TELO2: variants seen among roughly 807,000 people sequenced by gnomAD.
TELO2 encodes the protein telomere length regulation protein TEL2 homolog.
Under a neutral mutation model 91.0 loss-of-function variants are expected in TELO2, and 71 were observed. The ratio of observed to expected loss-of-function variants is 0.78; its 90% CI spans 0.64 to 0.95. TELO2 has a LOEUF of 0.95. TELO2 is among the 40% of genes least tolerant of loss of function. The pLI is 0.00. For missense variants in TELO2, 1,183 were observed against 1,141.3 expected, an observed-to-expected ratio of 1.04 and a Z score of -0.53; for synonymous variants, 584 against 518.9, an observed-to-expected ratio of 1.13 and a Z score of -1.71.
intron 20 of TELO2, among the ~76,000 whole-genome samples, chr16:1,508,946 G>T (rs1446259627): frequency 6.6e-6 from 1 of 152,166 alleles, no homozygotes; most frequent in Non-Finnish European, 1.5e-5. Flanking sequence ...CAAGGGGGGT[G>T]AGGCCCCCCA....
At chr16:1,496,960 GCAGC>G (rs2039514016) in intron 3 of TELO2, 72 bp from the exon 4 acceptor site, 1 of 1,458,494 alleles carries the variant, frequency 6.9e-7, no homozygotes, top group Non-Finnish European at 9.5e-7. Context: ...CTGACCGAGA[GCAGC>G]TCTCCCCACA....
intron 12 of TELO2, 59 bp from the exon 13 acceptor site, chr16:1,502,254 C>G: frequency 2.6e-6 from 4 of 1,564,780 alleles, no homozygotes; most frequent in Non-Finnish European, 3.5e-6. Context: ...GTGCTGCTGG[C>G]TCTCATGGGT....
In TELO2 at chr16:1,501,663, C is replaced by T. The variant is rs2039685317; in HGVS notation, c.1362C>T (p.Gly454=). 1.9e-6 allele frequency: 3 copies of T among 1,606,654 alleles called. No homozygotes were observed. The highest frequency in any genetic ancestry group is 2.5e-6 in the Non-Finnish European group (3 of 1,176,832). Residue 454 remains glycine (G), a splice_region_variant and synonymous_variant, in exon 11 of 21, where the codon GGC becomes GGT. Coordinates refer to ENST00000262319, the MANE Select transcript of TELO2 (RefSeq NM_016111.4). The part of the protein sequence containing the change: ...QPAGDGASEA[G]TSLVPATAEP... ...ATTTTTGTTCCTTGTTTCCTTAAAG[C>T]ACGTCCCTCGTTCCAGCCACGGCAG...
chr16:1,499,877 G>T (rs1197579538), intron 6 of TELO2, among the ~76,000 whole-genome samples: 1 of 152,374 alleles, frequency 6.6e-6, no homozygotes, highest in African/African-American at 2.4e-5. Flanking sequence ...ATCACGTTCA[G>T]TTCAAAGGAA....
chr16:1,504,127 TAAAAAAAAAAAAAA>T (rs34788034), intron 15 of TELO2, among the ~76,000 whole-genome samples: 12 of 104,878 alleles, frequency 1.1e-4, no homozygotes, highest in Admixed American at 3.1e-4. Flanking sequence ...TCTGTCTCTT[TAAAAAAAAAAAAAA>T]AAAAAAAAAG....
intron 20 of TELO2, among the ~76,000 whole-genome samples, chr16:1,508,411 G>A (rs964595159): frequency 1.3e-5 from 2 of 152,234 alleles, no homozygotes; most frequent in African/African-American, 2.4e-5. Context: ...GATTACAGGC[G>A]TGAGCCACCG....
chr16:1,509,831 C>T lies in TELO2; in HGVS notation c.2409C>T (p.Asp803=), dbSNP rs139725977. The change falls in exon 21 of 21, where the codon GAC becomes GAT. Residue 803 remains aspartate (D), a splice_region_variant and synonymous_variant. Coordinates refer to ENST00000262319, the MANE Select transcript of TELO2 (RefSeq NM_016111.4). ...TTGCTTGTCACTCTCGTCTGGCAGACGTGGCTGAGAAAGACCCGGACGAGG... is the reference window on the plus strand; with the variant it reads ...TTGCTTGTCACTCTCGTCTGGCAGATGTGGCTGAGAAAGACCCGGACGAGG... ...ELLEARSWLA[D]VAEKDPDEDC... 28 of 1,610,934 alleles carry T rather than the reference C, an allele frequency of 1.7e-5. No homozygotes were observed. Among genetic ancestry groups the T allele is most frequent in the Middle Eastern group, 1.7e-4 (1 of 6,058 alleles).
rs924050122 is a variant in TELO2, at chr16:1,507,613, G to C, written c.2304G>C (p.Gln768His). The stretch of plus-strand genomic sequence containing the variant: ...TTCTTGCCGGCAGCTACGTGCGCCA[G>C]GGGCTGTTGTCGGCCGTCTCCTCCG... ...LRFHIDAYVR[Q>H]GLLSAVSSVL... is the part of the protein sequence containing the mutation. Residue 768 changes from glutamine to histidine, a missense_variant, in exon 20 of 21, where the codon CAG becomes CAC. Physicochemically the swap from Gln to His is conservative, Grantham distance 24. Coordinates refer to ENST00000262319, the MANE Select transcript of TELO2 (RefSeq NM_016111.4). 58 of 1,592,840 alleles carry C rather than the reference G, an allele frequency of 3.6e-5. No homozygotes were observed. Among genetic ancestry groups the C allele is most frequent in the Non-Finnish European group, 4.6e-5 (54 of 1,176,920 alleles).
Position 1,506,274 on chromosome 16 carries a change from A to G in TELO2, c.2071A>G (p.Arg691Gly). ...GCAGGGCCCGGCAGGCAGCCCCAGC[A>G]GATTCAACTCCGTGGCCGGCCACTT... The part of the protein sequence containing the change: ...PRQGPAGSPS[R>G]FNSVAGHFFF... The change falls in exon 17 of 21, where the codon AGA (arginine) becomes GGA (glycine). Residue 691 changes from arginine (R) to glycine (G), a missense_variant. Transcript: ENST00000262319. 6.2e-7 allele frequency: 1 copy of G among 1,613,890 alleles called. No individual in the cohort carries two copies. Among genetic ancestry groups the G allele is most frequent in the South Asian group, 1.1e-5 (1 of 91,090 alleles).
Position 1,502,320 on chromosome 16 carries a change from C to G in TELO2, c.1569C>G (p.Thr523=). Residue 523 remains threonine (T), a synonymous_variant, in exon 13 of 21, where the codon ACC becomes ACG. Transcript: ENST00000262319. ...TCTCTGGGTTCTGTGCAGCCCTGAC[C>G]ACGTCTGAGGACATAGAGCGCTGGG... is the stretch of plus-strand genomic sequence containing the variant. ...AYVRDCVEAL[T]TSEDIERWEA... The G allele has an allele frequency of 6.2e-7, 1 of 1,604,480 alleles. No individual in the cohort carries two copies. Among genetic ancestry groups the G allele is most frequent in the South Asian group, 1.1e-5 (1 of 89,620 alleles).
At chr16:1,496,912 G>A (rs879790918) in intron 3 of TELO2, 124 bp from the exon 4 acceptor site, 30 of 902,976 alleles carry the variant, frequency 3.3e-5, no homozygotes, top group Admixed American at 8.8e-5. Flanking sequence ...GGCACCAGCC[G>A]TTGTTTTGAG....
rs999597796 is a variant in TELO2, at chr16:1,503,113, T to C, written c.1842+111T>C. The C allele has an allele frequency of 1.2e-5, 14 of 1,206,852 alleles. No individual in the cohort carries two copies. In the African/African-American group the frequency reaches 1.9e-4, roughly 17 times the overall value. 74.8% of individuals were successfully genotyped at this position (1,206,852 alleles called of 1,614,324 possible). On this transcript the variant is annotated intron_variant, in intron 15 of 20. Transcript: ENST00000262319. ...TGGGCCCCAAGGGCTCGTGCAGGCC[T>C]GTCCACTGCCTTCGTGAGTGTGTGA... is the stretch of plus-strand genomic sequence containing the variant.
chr16:1,507,746 G>C, intron 20 of TELO2, 30 bp downstream of exon 20: 1 of 1,576,452 alleles, frequency 6.3e-7, no homozygotes, highest in Non-Finnish European at 8.6e-7. Context: ...GTGTGTGTGA[G>C]ATGTGTGTCG....
rs149058724 is a variant in TELO2, at chr16:1,501,281, A to G, written c.1282-139A>G. ...CTTAGAAAGTCGCTTTTAAAAAGAC[A>G]CCTGGCTATCCAGGGCCCAGCCACT... On this transcript the variant is annotated intron_variant, in intron 9 of 20. Transcript: ENST00000262319. 1.2e-3 allele frequency: 1,055 copies of G among 860,000 alleles called. 13 individuals carry two copies. In the African/African-American group the frequency reaches 0.014, roughly 11 times the overall value. 53.3% of individuals were successfully genotyped at this position (860,000 alleles called of 1,614,324 possible). A position where few individuals can be genotyped will look rare whatever the true frequency, so the allele number is the denominator to read the frequency against.
chr16:1,509,281 G>A (rs1238847493), intron 20 of TELO2, among the ~76,000 whole-genome samples: 1 of 152,114 alleles, frequency 6.6e-6, no homozygotes, highest in Admixed American at 6.5e-5. Context: ...GTCTACAGGT[G>A]CCTCCTCACC....
rs1261353270 is a variant in TELO2 at position 1,500,577 on chromosome 16, A to T, written c.1159A>T (p.Met387Leu). 1 of 1,612,010 alleles carries T rather than the reference A, an allele frequency of 6.2e-7. No individual in the cohort carries two copies. Among genetic ancestry groups the T allele is most frequent in the East Asian group, 2.2e-5 (1 of 44,862 alleles). Residue 387 changes from methionine to leucine, a missense_variant, in exon 9 of 21, where the codon ATG (methionine) becomes TTG (leucine). Transcript: ENST00000262319. ...GGTGCTTGCAGAACTGCTGGCCAGCATGATGGCGGGCGTGAAGTGCCGCCT... is the reference window on the plus strand; with the variant it reads ...GGTGCTTGCAGAACTGCTGGCCAGCTTGATGGCGGGCGTGAAGTGCCGCCT... ...RDSRDELLASMMAGVKCRLDS... is the reference protein window; with the variant it reads ...RDSRDELLASLMAGVKCRLDS...
chr16:1,497,614 C>T lies in TELO2; in HGVS notation c.830+106C>T. On this transcript the variant is annotated intron_variant, in intron 5 of 20. Coordinates refer to ENST00000262319, the MANE Select transcript of TELO2 (RefSeq NM_016111.4). This position sits in a 1 kb window ranked among gnomAD's most constrained non-coding sequence, Gnocchi z 4.0. Reference sequence around the variant, plus strand: ...CTCCTGGGCGCCGTGCTGCAGCTGGCACCCCCATGTAGGTGCCACAGGGTG... The same window carrying T: ...CTCCTGGGCGCCGTGCTGCAGCTGGTACCCCCATGTAGGTGCCACAGGGTG... 7.0e-7 allele frequency: 1 copy of T among 1,425,270 alleles called. No homozygotes were observed. Among genetic ancestry groups the T allele is most frequent in the Non-Finnish European group, 9.3e-7 (1 of 1,078,642 alleles). 88.3% of individuals were successfully genotyped at this position (1,425,270 alleles called of 1,614,324 possible). A position where few individuals can be genotyped will look rare whatever the true frequency, so the allele number is the denominator to read the frequency against.
chr16:1,507,164 G>T, intron 18 of TELO2, 113 bp downstream of exon 18: 2 of 1,480,252 alleles, frequency 1.4e-6, no homozygotes, highest in South Asian at 1.3e-5. Flanking sequence ...TGCCTGTGTG[G>T]GCCCCCGGGC....
rs1169759228 is a variant in TELO2, at chr16:1,500,484, G to A, written c.1140G>A (p.Arg380=). 1.8e-5 allele frequency: 29 copies of A among 1,610,696 alleles called. No homozygotes were observed. Among genetic ancestry groups the A allele is most frequent in the Non-Finnish European group, 2.4e-5 (28 of 1,179,098 alleles). ...QLGEPELRDS[R]DELLASMMAG... is the part of the protein sequence containing the mutation. ...GGGAGCCGGAACTGCGGGACAGCCG[G>A]GATGGTGAGCGGGTGGTTTGGGCTC... The change falls in exon 8 of 21, where the codon CGG becomes CGA. Residue 380 remains arginine (R), a synonymous_variant. Transcript: ENST00000262319.
Sources: gnomAD v4.1 joint callset for allele counts (sites outside exome capture counted in the v4.1 genomes callset) on GRCh38, gnomAD v4.1.1 for gene constraint, Gnocchi (gnomAD v3.1) non-coding constraint, MANE v1.5 for transcripts, NCBI Gene and HGNC (gene_info 2026-07-23, HGNC 2026-07-21) for gene names.